ACSBG1: variants seen among roughly 807,000 people sequenced by gnomAD.
ACSBG1 encodes the protein long-chain-fatty-acid--CoA ligase ACSBG1.
A neutral mutation model predicts 80.2 loss-of-function variants in ACSBG1; 39 were observed. The observed-to-expected ratio is 0.49, with a 90% CI of 0.38 to 0.64. The LOEUF (loss-of-function observed/expected upper bound fraction) is 0.64, where lower values mean the gene tolerates loss of function less well. ACSBG1 is among the 30% of genes least tolerant of loss of function. The pLI is 0.00. For synonymous variants in ACSBG1, 392 were observed against 379.5 expected (o/e 1.03, Z -0.38); for missense variants, 828 against 966.4 (o/e 0.86, Z 1.90).
chr15:78,177,680 C>A lies in ACSBG1; in HGVS notation c.1702+934G>T, dbSNP rs1195882642. 2.0e-5 allele frequency among the ~76,000 whole-genome samples: 3 copies of A among 152,194 alleles called. No individual in the cohort carries two copies. The highest frequency in any genetic ancestry group is 2.9e-5 in the Non-Finnish European group (2 of 68,034). ...CAAACGCCACCGCGACCTTTTGTCC[C>A]TCCCTGGGGTGGCCGAGCCTCCATG... On this transcript the variant is annotated intron_variant, in intron 11 of 13. Coordinates refer to ENST00000258873, the MANE Select transcript of ACSBG1 (RefSeq NM_015162.5). The surrounding 1 kb of genome is among the most constrained non-coding windows in gnomAD (Gnocchi z 4.1).
Position 78,170,030 on chromosome 15 carries a change from C to T in ACSBG1, c.*1414G>A, listed in dbSNP as rs968517001. The T allele has an allele frequency of 6.6e-6, 1 of 152,244 alleles. No individual in the cohort carries two copies. Among genetic ancestry groups the T allele is most frequent in the Admixed American group, 6.5e-5 (1 of 15,288 alleles). The allele number at this position is 152,244 out of a possible 1,614,324, so 9.4% of individuals were successfully genotyped here. ...CCAAAGCACCAATTACTGCCCTCTG[C>T]CTCAGCAGTACCAGTATAAGATGAC... On this transcript the variant is annotated 3_prime_UTR_variant, in exon 14 of 14. Transcript: ENST00000258873.
chr15:78,194,607 C>T lies in ACSBG1; in HGVS notation c.352G>A (p.Asp118Asn), dbSNP rs781258189. 12 of 1,614,254 alleles carry T rather than the reference C, an allele frequency of 7.4e-6. No homozygotes were observed. Among genetic ancestry groups the T allele is most frequent in the Non-Finnish European group, 1.0e-5 (12 of 1,180,044 alleles). The change falls in exon 3 of 14, where the codon GAC becomes AAC. Residue 118 changes from aspartate (D) to asparagine (N), a missense_variant. Physicochemically the swap from Asp to Asn is conservative, Grantham distance 23. This residue lies in a region of ACSBG1 where 356 missense variants were observed against 363.5 expected (regional missense o/e 0.98). Transcript: ENST00000258873. ...MFYEALDKYG[D>N]LIALGFKRQD... ...CGCTTGAAGCCCAAAGCGATGAGGT[C>T]CCCATACTTATCCAGGGCCTCGTAG...
intron 11 of ACSBG1, among the ~76,000 whole-genome samples, chr15:78,175,969 T>TA (rs896971808): frequency 5.3e-5 from 8 of 151,998 alleles, no homozygotes; most frequent in Non-Finnish European, 8.8e-5. Flanking sequence ...AGTAAATGAT[T>TA]AAAAAAAACC....
chr15:78,234,306 C>T (rs1417907855), intron 1 of ACSBG1, 65 bp downstream of exon 1: 1 of 1,575,114 alleles, frequency 6.3e-7, no homozygotes, highest in Admixed American at 1.7e-5. Context: ...CAAGTTCACA[C>T]AGCAGAGCAA....
At position 78,180,816 on chromosome 15, in the gene ACSBG1, G is replaced by A. The variant is rs1351572594; in HGVS notation, c.1192C>T (p.Arg398Ter). 6.2e-7 allele frequency: 1 copy of A among 1,614,060 alleles called. No homozygotes were observed. Among genetic ancestry groups the A allele is most frequent in the Admixed American group, 1.7e-5 (1 of 60,002 alleles). Residue 398 changes from arginine (R) to a stop codon, truncating the protein, a stop_gained, in exon 9 of 14, where the codon CGA becomes TGA. Coordinates refer to ENST00000258873, the MANE Select transcript of ACSBG1 (RefSeq NM_015162.5). LOFTEE classifies it high-confidence loss of function. ...EVAAQSGFIR[R>*]KMLLWAMSVT... Reference sequence around the variant, plus strand: ...GACATGGCCCACAGCAGCATCTTTCGCCGGATGAAGCCAGACTGAGCCGCC... The same window carrying A: ...GACATGGCCCACAGCAGCATCTTTCACCGGATGAAGCCAGACTGAGCCGCC...
intron 10 of ACSBG1, 174 bp from the exon 11 acceptor site, chr15:78,179,005 G>T (rs2074913276): frequency 3.2e-6 from 2 of 633,706 alleles, no homozygotes; most frequent in African/African-American, 3.7e-5. Flanking sequence ...CAAGTAAAGG[G>T]TTTTAGGGAA....
intron 11 of ACSBG1, among the ~76,000 whole-genome samples, chr15:78,175,358 T>C (rs547100160): frequency 6.6e-5 from 10 of 152,284 alleles, no homozygotes; most frequent in Admixed American, 6.5e-4. Context: ...GGTCACATTC[T>C]GTGCACAGGT....
chr15:78,210,093 T>C (rs1452429407), intron 1 of ACSBG1, among the ~76,000 whole-genome samples: 1 of 152,178 alleles, frequency 6.6e-6, no homozygotes, highest in Non-Finnish European at 1.5e-5. Flanking sequence ...GGCAGCACCT[T>C]CTTGCTGCGG....
At position 78,195,114 on chromosome 15, in the gene ACSBG1, T is replaced by C. The variant is rs1449141015; in HGVS notation, c.233-388A>G. 2.0e-5 allele frequency among the ~76,000 whole-genome samples: 3 copies of C among 152,036 alleles called. No homozygotes were observed. The East Asian group carries it at 5.8e-4, about 29-fold the overall frequency. ...CTTTCCCTGCCCTCCTGTGAACAGG[T>C]TGGGGACAGATCCAGCTAGACAGAA... On this transcript the variant is annotated intron_variant, in intron 2 of 13. Transcript: ENST00000258873.
chr15:78,184,369 AG>A lies in ACSBG1; in HGVS notation c.664-1585del, dbSNP rs1491240200. 2.6e-5 allele frequency among the ~76,000 whole-genome samples: 4 copies of A among 151,606 alleles called. No homozygotes were observed. The East Asian group carries it at 5.8e-4, about 22-fold the overall frequency. On this transcript the variant is annotated intron_variant, in intron 5 of 13. Coordinates refer to ENST00000258873, the MANE Select transcript of ACSBG1 (RefSeq NM_015162.5). ...TTTTCCTTTTTTTTTTTGTAGAGAC[AG>A]GGGGGTCTCACTATGTTGCCCAGGC...
intron 2 of ACSBG1, among the ~76,000 whole-genome samples, chr15:78,195,406 T>G (rs2075104419): frequency 1.3e-5 from 2 of 152,224 alleles, no homozygotes; most frequent in South Asian, 4.1e-4. Context: ...GGATTTGAAC[T>G]CAGGTGTACC....
In ACSBG1 at chr15:78,177,812, G is replaced by C. The variant is rs1246636401; in HGVS notation, c.1702+802C>G. Among the ~76,000 whole-genome samples the C allele has an allele frequency of 6.6e-6, 1 of 152,204 alleles. No homozygotes were observed. The highest frequency in any genetic ancestry group is 1.5e-5 in the Non-Finnish European group (1 of 68,026). On this transcript the variant is annotated intron_variant, in intron 11 of 13. Transcript: ENST00000258873. This position sits in a 1 kb window ranked among gnomAD's most constrained non-coding sequence, Gnocchi z 4.1. ...GTTTCCCCCATGAAGCCCTGGTGCA[G>C]GATTCCCACGTGGATGCTGCGGGCA...
chr15:78,179,404 T>C (rs2074917210), intron 10 of ACSBG1, 146 bp downstream of exon 10: 1 of 715,206 alleles, frequency 1.4e-6, no homozygotes, highest in East Asian at 2.7e-5. Context: ...TTGTTGGCTC[T>C]CAGGGGCTCC....
At chr15:78,173,556 C>A in intron 13 of ACSBG1, 37 bp downstream of exon 13, 1 of 1,606,172 alleles carries the variant, frequency 6.2e-7, no homozygotes, top group South Asian at 1.1e-5. Flanking sequence ...TCTGCCTTCC[C>A]ACACAGCCCT....
intron 1 of ACSBG1, among the ~76,000 whole-genome samples, chr15:78,220,600 A>G (rs1309988111): frequency 6.6e-6 from 1 of 152,232 alleles, no homozygotes; most frequent in Admixed American, 6.5e-5. Flanking sequence ...AGAATATATA[A>G]GGAACTCTTA....
rs34921279 is a variant in ACSBG1, at chr15:78,178,692, C to T, written c.1624G>A (p.Glu542Lys). ...TCACCCGTGTGCAGCCAGCCTTCCT[C>T]GTCGATGGCCTCACAAGTCTTGTCC... ...MEDKTCEAID[E>K]EGWLHTGDAG... is the part of the protein sequence containing the mutation. The change falls in exon 11 of 14, where the codon GAG (glutamate) becomes AAG (lysine). Residue 542 changes from glutamate (E) to lysine (K), a missense_variant. Coordinates refer to ENST00000258873, the MANE Select transcript of ACSBG1 (RefSeq NM_015162.5). The surrounding 1 kb of genome is among the most constrained non-coding windows in gnomAD (Gnocchi z 4.3). 1.6e-3 allele frequency: 2,622 copies of T among 1,614,020 alleles called. 20 individuals carry two copies. In the African/African-American group the frequency reaches 0.022, roughly 13 times the overall value.
rs181778411 is a variant in ACSBG1 at position 78,173,121 on chromosome 15, G to A, written c.2089+472C>T. Among the ~76,000 whole-genome samples the A allele has an allele frequency of 1.8e-3, 268 of 152,168 alleles. 1 individual carries two copies. The highest frequency in any genetic ancestry group is 6.0e-3 in the African/African-American group (248 of 41,546). ...AGCACTTTGGGAGGCCGAGGCGGGC[G>A]GATCACCTGAGGTCGGGAGTTCGAG... On this transcript the variant is annotated intron_variant, in intron 13 of 13. Transcript: ENST00000258873.
intron 8 of ACSBG1, 82 bp from the exon 9 acceptor site, chr15:78,181,018 G>A (rs2074938002): frequency 9.9e-6 from 15 of 1,515,502 alleles, no homozygotes; most frequent in Admixed American, 1.9e-5. Flanking sequence ...CAGGCATGCC[G>A]GTGGCACACA....
At chr15:78,196,804 G>T (rs980860797) in intron 2 of ACSBG1, among the ~76,000 whole-genome samples, 1 of 152,110 alleles carries the variant, frequency 6.6e-6, no homozygotes, top group Non-Finnish European at 1.5e-5. Context: ...TGGTGCAGTG[G>T]CTCGCACCTG....
Sources: gnomAD v4.1 joint callset for allele counts (sites outside exome capture counted in the v4.1 genomes callset) on GRCh38, gnomAD v4.1.1 for gene constraint, gnomAD v4.1.1 regional missense constraint, Gnocchi (gnomAD v3.1) non-coding constraint, MANE v1.5 for transcripts, NCBI Gene and HGNC (gene_info 2026-07-23, HGNC 2026-07-21) for gene names.